SLC22A24: variants seen among roughly 807,000 people sequenced by gnomAD.
SLC22A24 encodes solute carrier family 22 member 24.
A neutral mutation model predicts 49.8 loss-of-function variants in SLC22A24; 53 were observed. The observed-to-expected ratio is 1.06, with a 90% confidence interval of 0.85 to 1.34. The LOEUF (loss-of-function observed/expected upper bound fraction) is 1.34. SLC22A24 is among the 40% of genes most tolerant of loss of function. SLC22A24 has a pLI of 0.00. For missense variants in SLC22A24, 786 were observed against 675.9 expected (o/e 1.16, Z -1.81); for synonymous variants, 302 against 256.4 (o/e 1.18, Z -1.70).
At chr11:63,134,281 G>A (rs1038728876) in intron 2 of SLC22A24, among the ~76,000 whole-genome samples, 1 of 152,076 alleles carries the variant, frequency 6.6e-6, no homozygotes, top group Non-Finnish European at 1.5e-5. Context: ...CAATAACGCT[G>A]TTTCACAAAT....
intron 6 of SLC22A24, among the ~76,000 whole-genome samples, chr11:63,086,958 T>C (rs1194080012): frequency 6.6e-6 from 1 of 151,686 alleles, no homozygotes; most frequent in African/African-American, 2.4e-5. Flanking sequence ...TTTGTAGTAC[T>C]GTGCATTTAT....
chr11:63,108,107 C>G (rs2087134540), intron 4 of SLC22A24, among the ~76,000 whole-genome samples: 3 of 152,132 alleles, frequency 2.0e-5, no homozygotes. Context: ...AGATACATCC[C>G]ATCAATACCT....
intron 2 of SLC22A24, among the ~76,000 whole-genome samples, chr11:63,130,223 A>C (rs1340163189): frequency 2.0e-5 from 3 of 152,204 alleles, no homozygotes. Flanking sequence ...TTCTGCATCT[A>C]TTGAGATAAT....
chr11:63,112,632 T>G (rs966830922), intron 4 of SLC22A24, among the ~76,000 whole-genome samples: 4 of 152,110 alleles, frequency 2.6e-5, no homozygotes, highest in Non-Finnish European at 5.9e-5. Flanking sequence ...GCTCAGATCT[T>G]AGTTATTTCT....
At chr11:63,106,816 A>G (rs1466326632) in intron 4 of SLC22A24, among the ~76,000 whole-genome samples, 1 of 152,130 alleles carries the variant, frequency 6.6e-6, no homozygotes, top group Non-Finnish European at 1.5e-5. Flanking sequence ...TTCGTTGTAG[A>G]TTCTGGATAT....
At position 63,121,515 on chromosome 11, in the gene SLC22A24, T is replaced by TAG. The variant is rs1565335578; in HGVS notation, c.507-2181_507-2180insCT. 4.0e-5 allele frequency among the ~76,000 whole-genome samples: 6 copies of TAG among 151,324 alleles called. No homozygotes were observed. In the East Asian group the frequency reaches 7.8e-4, roughly 20 times the overall value. ...GAAACTAGAGGTAGATCTCAAAAACTTGGTGAATGACAAAGGTTAGAAAGA... is the reference window on the plus strand; with the variant it reads ...GAAACTAGAGGTAGATCTCAAAAACTAGTGGTGAATGACAAAGGTTAGAAAGA... On this transcript the variant is annotated intron_variant, in intron 2 of 9. Coordinates refer to ENST00000612278, the MANE Select transcript of SLC22A24 (RefSeq NM_001136506.2).
At chr11:63,085,585 G>A (rs116846725) in intron 6 of SLC22A24, among the ~76,000 whole-genome samples, 1,610 of 152,236 alleles carry the variant, frequency 0.011, 14 homozygotes, top group Non-Finnish European at 0.016. Flanking sequence ...GATAATTTAT[G>A]GAGAGGAAAA....
chr11:63,116,108 CT>C, intron 4 of SLC22A24: 1 of 410,102 alleles, frequency 2.4e-6, no homozygotes, highest in South Asian at 5.7e-5. Context: ...CTTCCTTGGG[CT>C]TTATGAGGGC....
rs2086955730 is a variant in SLC22A24 at position 63,080,922 on chromosome 11, A to G, written c.1596T>C (p.Asn532=). The change falls in exon 9 of 10, where the codon AAT becomes AAC. Residue 532 remains asparagine, a splice_region_variant and synonymous_variant. Coordinates refer to ENST00000612278, the MANE Select transcript of SLC22A24 (RefSeq NM_001136506.2). ...PLPNTIQDVE[N]DRKDSRNIKQ... The stretch of plus-strand genomic sequence containing the variant: ...TGACAGCTAGAGGGTTTACTCACTC[A>G]TTTTCCACATCCTGGATGGTGTTAG... The G allele has an allele frequency of 1.9e-6, 3 of 1,551,144 alleles. No homozygotes were observed. The highest frequency in any genetic ancestry group is 1.2e-5 in the South Asian group (1 of 84,032).
At chr11:63,119,387 GA>G in intron 2 of SLC22A24, 52 bp from the exon 3 acceptor site, 3 of 1,445,584 alleles carry the variant, frequency 2.1e-6, no homozygotes, top group Non-Finnish European at 2.8e-6. Context: ...ATAACACGTG[GA>G]AAACTTGACA....
intron 8 of SLC22A24, 135 bp downstream of exon 8, chr11:63,081,423 C>A: frequency 1.5e-6 from 1 of 686,558 alleles, no homozygotes; most frequent in African/African-American, 1.8e-5. Context: ...ACATATATGG[C>A]TCTCAGTTAC....
rs1272183251 is a variant in SLC22A24 at position 63,118,967 on chromosome 11, G to A, written c.775C>T (p.His259Tyr). 6.4e-7 allele frequency: 1 copy of A among 1,551,948 alleles called. No individual in the cohort carries two copies. The highest frequency in any genetic ancestry group is 1.4e-5 in the African/African-American group (1 of 73,172). Reference protein sequence around the residue: ...GGLAFAIQDWHILQLTVSTPI... With the variant: ...GGLAFAIQDWYILQLTVSTPI... ...GTAGACACAGTCAGTTGCAATATGT[G>A]CCAGTCCTGAATGGCAAAAGCCAGC... Residue 259 changes from histidine (H) to tyrosine (Y), a missense_variant, in exon 4 of 10, where the codon CAC becomes TAC. Coordinates refer to ENST00000612278, the MANE Select transcript of SLC22A24 (RefSeq NM_001136506.2).
intron 9 of SLC22A24, 22 bp from the exon 10 acceptor site, chr11:63,080,022 A>G (rs767341697): frequency 1.4e-6 from 2 of 1,455,850 alleles, no homozygotes; most frequent in Non-Finnish European, 1.9e-6. Context: ...AAATGCAAAC[A>G]AAAACAAGAT....
intron 2 of SLC22A24, among the ~76,000 whole-genome samples, chr11:63,128,708 G>T (rs1338253230): frequency 6.6e-6 from 1 of 151,676 alleles, no homozygotes; most frequent in African/African-American, 2.4e-5. Context: ...ATTGGGAAGG[G>T]CCCCCGTCCA....
At chr11:63,134,463 A>G (rs1421863948) in intron 2 of SLC22A24, among the ~76,000 whole-genome samples, 1 of 152,196 alleles carries the variant, frequency 6.6e-6, no homozygotes, top group Non-Finnish European at 1.5e-5. Context: ...ATTCAGTACA[A>G]TGAACAGACT....
chr11:63,109,767 G>A (rs932103070), intron 4 of SLC22A24, among the ~76,000 whole-genome samples: 8 of 152,048 alleles, frequency 5.3e-5, no homozygotes, highest in African/African-American at 1.7e-4. Flanking sequence ...AGATGAGTAG[G>A]TGGCAAAAAT....
chr11:63,111,890 A>G (rs1190268972), intron 4 of SLC22A24, among the ~76,000 whole-genome samples: 12 of 151,666 alleles, frequency 7.9e-5, no homozygotes, highest in African/African-American at 2.9e-4. Context: ...GCCTTCTGCT[A>G]GCTTTTGAAT....
intron 4 of SLC22A24, among the ~76,000 whole-genome samples, chr11:63,118,052 G>T (rs1318415014): frequency 6.6e-6 from 1 of 152,166 alleles, no homozygotes; most frequent in African/African-American, 2.4e-5. Context: ...CTTATGAGGG[G>T]AGCCTTCTCA....
intron 2 of SLC22A24, among the ~76,000 whole-genome samples, chr11:63,132,881 C>A (rs1216800611): frequency 6.6e-6 from 1 of 152,196 alleles, no homozygotes; most frequent in East Asian, 1.9e-4. Context: ...CTGTCTGCTG[C>A]CTTTTGTTCA....
Sources: allele counts gnomAD v4.1 joint callset (sites outside exome capture counted in the v4.1 genomes callset), GRCh38; gene constraint gnomAD v4.1.1; transcripts MANE v1.5; gene names NCBI Gene and HGNC (gene_info 2026-07-23, HGNC 2026-07-21).